The following GLP1R variants were observed in gnomAD, a reference collection of about 807,000 sequenced individuals.
GLP1R encodes the protein glucagon-like peptide 1 receptor.
Under a neutral mutation model 68.4 loss-of-function variants are expected in GLP1R, and 32 were observed. The observed-to-expected ratio is 0.47, with a 90% confidence interval of 0.35 to 0.63. The LOEUF (loss-of-function observed/expected upper bound fraction) is 0.63, where lower values mean the gene tolerates loss of function less well. Ranked by LOEUF, GLP1R falls within the 20% of genes least tolerant of loss-of-function variation. The probability of loss-of-function intolerance (pLI) is 0.00; values close to 1 mark genes in which losing one functional copy is unlikely to be tolerated. For synonymous variants in GLP1R, 263 were observed against 244.4 expected, an observed-to-expected ratio of 1.08 and a Z score of -0.71; for missense variants, 502 against 594.9, an observed-to-expected ratio of 0.84 and a Z score of 1.62.
At chr6:39,050,358 C>G (rs543779591) in intron 1 of GLP1R, among the ~76,000 whole-genome samples, 11 of 152,240 alleles carry the variant, frequency 7.2e-5, no homozygotes, top group African/African-American at 2.6e-4. Context: ...TCCTCCAGGC[C>G]AGGTTTACAG....
chr6:39,069,838 C>A (rs933085417), intron 5 of GLP1R, among the ~76,000 whole-genome samples: 1 of 152,034 alleles, frequency 6.6e-6, no homozygotes, highest in Non-Finnish European at 1.5e-5. Flanking sequence ...TTAGTCTGTG[C>A]CTGCTGTTAT....
chr6:39,084,101 G>A (rs901756289), intron 12 of GLP1R, among the ~76,000 whole-genome samples: 1 of 152,112 alleles, frequency 6.6e-6, no homozygotes, highest in African/African-American at 2.4e-5. Flanking sequence ...AGCCACGCAG[G>A]CAGGAGGCCA....
intron 3 of GLP1R, among the ~76,000 whole-genome samples, chr6:39,062,191 C>T (rs1202293797): frequency 1.3e-5 from 2 of 152,202 alleles, no homozygotes; most frequent in African/African-American, 4.8e-5. Context: ...TTATTTCCAG[C>T]AGCAGGGTCT....
chr6:39,081,965 C>T (rs963958463), intron 12 of GLP1R, among the ~76,000 whole-genome samples: 12 of 152,236 alleles, frequency 7.9e-5, no homozygotes, highest in African/African-American at 1.2e-4. Flanking sequence ...CCTAGCTCCT[C>T]ACAGGTGCTG....
intron 3 of GLP1R, 59 bp downstream of exon 3, chr6:39,057,638 C>A: frequency 1.1e-6 from 1 of 926,096 alleles, no homozygotes; most frequent in Non-Finnish European, 1.6e-6. Flanking sequence ...ACCCCCTCCC[C>A]GACCTGGTAT....
In GLP1R at chr6:39,059,924, G is replaced by A. The variant is rs112622724; in HGVS notation, c.283+2345G>A. 5.0e-3 allele frequency among the ~76,000 whole-genome samples: 759 copies of A among 152,232 alleles called. 4 individuals are homozygous for A. Among genetic ancestry groups the A allele is most frequent in the South Asian group, 0.03 (143 of 4,826 alleles). The stretch of plus-strand genomic sequence containing the variant: ...TGGTGCCCGTTTATGAGCAAACATG[G>A]TTTTATTGCTTTCTCCATGAAGATA... On this transcript the variant is annotated intron_variant, in intron 3 of 12. Transcript: ENST00000373256.
At chr6:39,061,573 C>A (rs1288395155) in intron 3 of GLP1R, among the ~76,000 whole-genome samples, 1 of 152,162 alleles carries the variant, frequency 6.6e-6, no homozygotes, top group Non-Finnish European at 1.5e-5. Flanking sequence ...GAGGCCCAAG[C>A]TTGTCCCCAG....
At chr6:39,058,910 C>T (rs1312414453) in intron 3 of GLP1R, among the ~76,000 whole-genome samples, 10 of 151,956 alleles carry the variant, frequency 6.6e-5, no homozygotes, top group Admixed American at 6.5e-4. Context: ...GGAGCCCAAG[C>T]AGCAACTGGC....
At chr6:39,070,883 G>T (rs182604184) in intron 5 of GLP1R, among the ~76,000 whole-genome samples, 190 of 151,864 alleles carry the variant, frequency 1.3e-3, no homozygotes, top group African/African-American at 4.0e-3. Flanking sequence ...TCATTTTATG[G>T]TTTTTTATGC....
intron 1 of GLP1R, among the ~76,000 whole-genome samples, chr6:39,052,296 C>T (rs1020284054): frequency 1.3e-5 from 2 of 151,836 alleles, no homozygotes; most frequent in South Asian, 2.1e-4. Flanking sequence ...AAACAAGGGG[C>T]GGTCAAAGAG....
Position 39,066,259 on chromosome 6 carries a change from C to G in GLP1R, c.465C>G (p.Ser155=). ...YIIYTVGYAL[S]FSALVIASAI... is the part of the protein sequence containing the mutation. ...TCTACACGGTGGGCTACGCACTCTCCTTCTCTGCTCTGGTTATCGCCTCTG... is the reference window on the plus strand; with the variant it reads ...TCTACACGGTGGGCTACGCACTCTCGTTCTCTGCTCTGGTTATCGCCTCTG... Residue 155 remains serine, a synonymous_variant, in exon 5 of 13, where the codon TCC becomes TCG. Transcript: ENST00000373256. 1 of 1,613,302 alleles carries G rather than the reference C, an allele frequency of 6.2e-7. No homozygotes were observed. Among genetic ancestry groups the G allele is most frequent in the South Asian group, 1.1e-5 (1 of 91,068 alleles).
chr6:39,076,764 C>G (rs1768840696), intron 7 of GLP1R, among the ~76,000 whole-genome samples: 1 of 152,138 alleles, frequency 6.6e-6, no homozygotes, highest in African/African-American at 2.4e-5. Flanking sequence ...GAGGGAGGGG[C>G]CAACGGAGAC....
Position 39,072,870 on chromosome 6 carries a change from A to C in GLP1R, c.518A>C (p.His173Pro), listed in dbSNP as rs745360395. Residue 173 changes from histidine (H) to proline (P), a missense_variant, in exon 6 of 13, where the codon CAC (histidine) becomes CCC (proline). Physicochemically the swap from His to Pro is moderately conservative, Grantham distance 77 (BLOSUM62 -2). Coordinates refer to ENST00000373256, the MANE Select transcript of GLP1R (RefSeq NM_002062.5). ...CCTGCTTTCTCCCTCAGACACCTGC[A>C]CTGCACCAGGAACTACATCCACCTG... is the stretch of plus-strand genomic sequence containing the variant. ...SAILLGFRHLHCTRNYIHLNL... is the reference protein window; with the variant it reads ...SAILLGFRHLPCTRNYIHLNL... The C allele has an allele frequency of 6.2e-7, 1 of 1,613,934 alleles. No homozygotes were observed. Among genetic ancestry groups the C allele is most frequent in the South Asian group, 1.1e-5 (1 of 91,054 alleles).
chr6:39,076,201 G>A (rs146329999), intron 7 of GLP1R, among the ~76,000 whole-genome samples: 4 of 152,290 alleles, frequency 2.6e-5, no homozygotes, highest in East Asian at 1.9e-4. Context: ...GCATGTGTAC[G>A]TGGTTCAGGA....
intron 1 of GLP1R, among the ~76,000 whole-genome samples, chr6:39,053,349 C>T (rs1201054584): frequency 6.6e-6 from 1 of 152,232 alleles, no homozygotes; most frequent in Non-Finnish European, 1.5e-5. Flanking sequence ...AAAGCTTCCT[C>T]CCTGCTTCAC....
At chr6:39,062,890 C>T (rs1768385718) in intron 3 of GLP1R, among the ~76,000 whole-genome samples, 1 of 152,182 alleles carries the variant, frequency 6.6e-6, no homozygotes, top group Non-Finnish European at 1.5e-5. Flanking sequence ...CCAAAGGTGT[C>T]AGGTGTACAG....
Position 39,085,962 on chromosome 6 carries a change from C to T in GLP1R, c.1281C>T (p.Ile427=), listed in dbSNP as rs202059365. Residue 427 remains isoleucine (I), a synonymous_variant, in exon 13 of 13, where the codon ATC becomes ATT. Coordinates refer to ENST00000373256, the MANE Select transcript of GLP1R (RefSeq NM_002062.5). ...GCTGGCGGCTTGAGCACTTGCACAT[C>T]CAGAGGGACAGCAGCATGAAGCCCC... The part of the protein sequence containing the change: ...WERWRLEHLH[I]QRDSSMKPLK... The T allele has an allele frequency of 6.8e-6, 11 of 1,613,810 alleles. No homozygotes were observed. The South Asian group carries it at 1.1e-4, about 16-fold the overall frequency.
At chr6:39,068,636 G>T (rs1252832927) in intron 5 of GLP1R, among the ~76,000 whole-genome samples, 2 of 152,212 alleles carry the variant, frequency 1.3e-5, no homozygotes, top group Non-Finnish European at 2.9e-5. Context: ...CACTGCCGAG[G>T]TTTACTGCTA....
chr6:39,064,170 AT>A (rs1207490109), intron 3 of GLP1R, among the ~76,000 whole-genome samples: 1 of 146,252 alleles, frequency 6.8e-6, no homozygotes, highest in Non-Finnish European at 1.5e-5. Context: ...TGCCTGGCTA[AT>A]TTTTTGTATT....
Sources: allele counts gnomAD v4.1 joint callset (sites outside exome capture counted in the v4.1 genomes callset), GRCh38; gene constraint gnomAD v4.1.1; transcripts MANE v1.5; gene names NCBI Gene and HGNC (gene_info 2026-07-23, HGNC 2026-07-21).